The following MATN2 variants were observed in gnomAD, a reference collection of about 807,000 sequenced individuals.
The protein encoded by MATN2 is matrilin-2.
In MATN2, 69 loss-of-function variants were observed where a neutral mutation model predicts 103.2. The observed-to-expected ratio is 0.67, with a 90% CI of 0.55 to 0.82. MATN2 has a LOEUF of 0.82. MATN2 is among the 40% of genes least tolerant of loss of function. MATN2 has a pLI of 0.00. For missense variants in MATN2, 1,023 were observed against 1,211.5 expected, an observed-to-expected ratio of 0.84 and a Z score of 2.31; for synonymous variants, 429 against 450.2, an observed-to-expected ratio of 0.95 and a Z score of 0.60.
intron 10 of MATN2, among the ~76,000 whole-genome samples, chr8:98,015,087 T>A (rs1813313720): frequency 6.6e-6 from 1 of 152,212 alleles, no homozygotes; most frequent in African/African-American, 2.4e-5. Flanking sequence ...AAGATGGCAA[T>A]GCCATCCTTC....
intron 7 of MATN2, among the ~76,000 whole-genome samples, chr8:98,003,158 C>T (rs1812842675): frequency 6.6e-6 from 1 of 151,968 alleles, no homozygotes; most frequent in South Asian, 2.1e-4. Flanking sequence ...GTCCCCTCAT[C>T]CCCGGGCATT....
At chr8:97,948,600 T>C (rs1365295767) in intron 4 of MATN2, among the ~76,000 whole-genome samples, 1 of 152,178 alleles carries the variant, frequency 6.6e-6, no homozygotes, top group African/African-American at 2.4e-5. Context: ...GAGGAAACAA[T>C]AATGTCTTCA....
At position 97,995,446 on chromosome 8, in the gene MATN2, A is replaced by C. The variant is rs564764569; in HGVS notation, c.1204+844A>C. 1.5e-4 allele frequency among the ~76,000 whole-genome samples: 23 copies of C among 152,142 alleles called. 2 individuals are homozygous for C. The highest frequency in any genetic ancestry group is 5.5e-4 in the African/African-American group (23 of 41,502). ...GCCTTTTTTAGGCGTGCAAGTTGTG[A>C]ATTTTTTTTCAGAAAGTCTTTCCCT... On this transcript the variant is annotated intron_variant, in intron 7 of 18. Transcript: ENST00000254898.
intron 15 of MATN2, among the ~76,000 whole-genome samples, chr8:98,031,041 AG>A (rs1480789199): frequency 1.3e-5 from 2 of 152,200 alleles, no homozygotes; most frequent in Non-Finnish European, 2.9e-5. Flanking sequence ...GCCTAGAAAC[AG>A]TACAAAAAGA....
chr8:98,020,000 G>C (rs1311341318), intron 12 of MATN2, among the ~76,000 whole-genome samples: 1 of 152,164 alleles, frequency 6.6e-6, no homozygotes, highest in African/African-American at 2.4e-5. Flanking sequence ...TGACACCTAG[G>C]ATGCCTGTGG....
intron 2 of MATN2, among the ~76,000 whole-genome samples, chr8:97,909,579 A>C (rs1819289828): frequency 6.6e-6 from 1 of 152,198 alleles, no homozygotes; most frequent in Non-Finnish European, 1.5e-5. Context: ...ATAATGTTGC[A>C]GGCAGAGAGA....
At chr8:97,998,353 T>C (rs182668849) in intron 7 of MATN2, among the ~76,000 whole-genome samples, 22 of 150,802 alleles carry the variant, frequency 1.5e-4, no homozygotes, top group African/African-American at 5.1e-4. Context: ...ACCCCGTCTC[T>C]ACTAAAAAAT....
intron 5 of MATN2, among the ~76,000 whole-genome samples, chr8:97,972,982 C>G (rs983855187): frequency 6.6e-6 from 1 of 152,234 alleles, no homozygotes; most frequent in Non-Finnish European, 1.5e-5. Flanking sequence ...ATCTTGACCT[C>G]TCTTTTTATG....
intron 4 of MATN2, among the ~76,000 whole-genome samples, chr8:97,951,691 G>A (rs531690838): frequency 1.3e-5 from 2 of 152,196 alleles, no homozygotes; most frequent in South Asian, 2.1e-4. Flanking sequence ...ATGTGACAAC[G>A]GTTTGGAAAT....
At chr8:97,990,769 T>TA (rs879783635) in intron 6 of MATN2, among the ~76,000 whole-genome samples, 92 of 152,030 alleles carry the variant, frequency 6.1e-4, no homozygotes, top group Admixed American at 7.2e-4. Context: ...CTTGGGGAGA[T>TA]AAAAAAAGAA....
chr8:98,002,518 G>A (rs1426418334), intron 7 of MATN2, among the ~76,000 whole-genome samples: 2 of 152,208 alleles, frequency 1.3e-5, no homozygotes, highest in African/African-American at 4.8e-5. Flanking sequence ...GAGCCCAAGT[G>A]ATCAGGTTAA....
chr8:98,019,372 A>G (rs1813497479), intron 12 of MATN2, among the ~76,000 whole-genome samples: 1 of 152,162 alleles, frequency 6.6e-6, no homozygotes, highest in African/African-American at 2.4e-5. Flanking sequence ...CCCAAGTCTG[A>G]AGGCAGTCTG....
In MATN2 at chr8:98,010,251, C is replaced by T. The variant is rs1439725754; in HGVS notation, c.1573+2650C>T. ...AACCTCCTCTCCCACCTGATAGGCT[C>T]TCCTCTCCTCCTCCCACCCCAGGCT... On this transcript the variant is annotated intron_variant, in intron 10 of 18. Transcript: ENST00000254898. 7.2e-5 allele frequency among the ~76,000 whole-genome samples: 11 copies of T among 152,238 alleles called. No individual in the cohort carries two copies. In the East Asian group the frequency reaches 2.1e-3, roughly 29 times the overall value.
At chr8:97,952,027 TCAAATC>T (rs1810969751) in intron 4 of MATN2, 1 of 152,196 alleles carries the variant, frequency 6.6e-6, no homozygotes, top group Non-Finnish European at 1.5e-5. Flanking sequence ...TTGGAAGACT[TCAAATC>T]CAAACTGCAG....
intron 10 of MATN2, among the ~76,000 whole-genome samples, chr8:98,009,626 C>T (rs1471857951): frequency 2.0e-5 from 3 of 152,144 alleles, no homozygotes; most frequent in Non-Finnish European, 4.4e-5. Context: ...GCCTCTGGAG[C>T]GATGTCCCCT....
At position 97,888,146 on chromosome 8, in the gene MATN2, A is replaced by T; in HGVS notation, c.46A>T (p.Ile16Phe). 1 of 1,609,724 alleles carries T rather than the reference A, an allele frequency of 6.2e-7. No homozygotes were observed. Among genetic ancestry groups the T allele is most frequent in the Non-Finnish European group, 8.5e-7 (1 of 1,178,146 alleles). Residue 16 changes from isoleucine (I) to phenylalanine (F), a missense_variant, in exon 2 of 19, where the codon ATC (isoleucine) becomes TTC (phenylalanine). Ile to Phe is a conservative substitution (Grantham distance 21, BLOSUM62 0). Transcript: ENST00000254898. ...CTGCTTTCTGCTGATCCTCGGACAG[A>T]TCGTCCTCCTCCCTGCCGAGGCCAG... is the stretch of plus-strand genomic sequence containing the variant. ...AGCFLLILGQ[I>F]VLLPAEARER... is the part of the protein sequence containing the mutation.
intron 5 of MATN2, among the ~76,000 whole-genome samples, chr8:97,969,899 A>G (rs1341143198): frequency 6.6e-6 from 1 of 152,262 alleles, no homozygotes; most frequent in African/African-American, 2.4e-5. Flanking sequence ...TGTGGGCAGC[A>G]GGTTCAAACT....
At chr8:97,980,894 A>G (rs1204909440) in intron 6 of MATN2, among the ~76,000 whole-genome samples, 1 of 151,986 alleles carries the variant, frequency 6.6e-6, no homozygotes, top group East Asian at 1.9e-4. Flanking sequence ...ATACTAAATG[A>G]GGCTGGGCAC....
At position 97,902,405 on chromosome 8, in the gene MATN2, G is replaced by A. The variant is rs574768899; in HGVS notation, c.142+14163G>A. On this transcript the variant is annotated intron_variant, in intron 2 of 18. Coordinates refer to ENST00000254898, the MANE Select transcript of MATN2 (RefSeq NM_002380.5). The stretch of plus-strand genomic sequence containing the variant: ...CCAGCTACTTGGGAGGCTGAGGCAG[G>A]AGAACTGCTTGAACCCAGGAGGTGG... Among the ~76,000 whole-genome samples, 88 of 150,652 alleles carry A rather than the reference G, an allele frequency of 5.8e-4. No homozygotes were observed. The South Asian group carries it at 0.018, about 30-fold the overall frequency.
Sources: allele counts gnomAD v4.1 joint callset (sites outside exome capture counted in the v4.1 genomes callset), GRCh38; gene constraint gnomAD v4.1.1; transcripts MANE v1.5; gene names NCBI Gene and HGNC (gene_info 2026-07-23, HGNC 2026-07-21).